The following FLT1 variants were observed in gnomAD, a reference collection of about 807,000 sequenced individuals.
FLT1 encodes the protein fms related receptor tyrosine kinase 1.
A neutral mutation model predicts 156.3 loss-of-function variants in FLT1; 49 were observed. That is an observed-to-expected ratio of 0.31 (90% confidence interval 0.25 to 0.40). The LOEUF is 0.40. Ranked by LOEUF, FLT1 falls within the 10% of genes least tolerant of loss-of-function variation. The pLI is 1.00. For missense variants in FLT1, 1,322 were observed against 1,637.2 expected, an observed-to-expected ratio of 0.81 and a Z score of 3.32; for synonymous variants, 594 against 583.8, an observed-to-expected ratio of 1.02 and a Z score of -0.25.
intron 3 of FLT1, among the ~76,000 whole-genome samples, chr13:28,462,847 C>T (rs1416854706): frequency 2.6e-5 from 4 of 152,236 alleles, no homozygotes; most frequent in Admixed American, 2.6e-4. Flanking sequence ...CTTCCACCTG[C>T]TTTGATGCAC....
At chr13:28,307,885 C>A (rs1220142732) in intron 28 of FLT1, among the ~76,000 whole-genome samples, 1 of 152,148 alleles carries the variant, frequency 6.6e-6, no homozygotes, top group Non-Finnish European at 1.5e-5. Flanking sequence ...CATTCTCCTG[C>A]CTCAGCCTTC....
At chr13:28,488,468 AT>A (rs544230593) in intron 1 of FLT1, among the ~76,000 whole-genome samples, 1 of 110,510 alleles carries the variant, frequency 9.0e-6, no homozygotes, top group Admixed American at 1.1e-4. Flanking sequence ...ATGCTTCTCG[AT>A]TTTTAATGAA....
In FLT1 at chr13:28,485,291, A is replaced by C. The variant is rs550666196; in HGVS notation, c.64+9489T>G. Among the ~76,000 whole-genome samples, 8 of 152,184 alleles carry C rather than the reference A, an allele frequency of 5.3e-5. No homozygotes were observed. In the South Asian group the frequency reaches 1.7e-3, roughly 32 times the overall value. On this transcript the variant is annotated intron_variant, in intron 1 of 29. Transcript: ENST00000282397. Reference sequence around the variant, plus strand: ...GGGCCTCTATGATAAGAGCCCCAAGAAGCTGCAGAGCTGCCTGCACTCAGA... The same window carrying C: ...GGGCCTCTATGATAAGAGCCCCAAGCAGCTGCAGAGCTGCCTGCACTCAGA...
intron 1 of FLT1, among the ~76,000 whole-genome samples, chr13:28,475,185 T>G (rs976720027): frequency 6.6e-6 from 1 of 152,240 alleles, no homozygotes; most frequent in African/African-American, 2.4e-5. Flanking sequence ...CACTCCTAAT[T>G]GCATATTTTG....
At chr13:28,304,340 T>C (rs1189486015) in intron 29 of FLT1, among the ~76,000 whole-genome samples, 1 of 152,150 alleles carries the variant, frequency 6.6e-6, no homozygotes, top group Admixed American at 6.5e-5. Context: ...ACTGTGCTCA[T>C]GTGAAAAGGA....
chr13:28,438,390 C>T (rs1226098623), intron 3 of FLT1, 45 bp from the exon 4 acceptor site: 9 of 1,495,154 alleles, frequency 6.0e-6, no homozygotes, highest in Non-Finnish European at 8.4e-6. Flanking sequence ...AAATGATTGA[C>T]ATGCAAGCAT....
chr13:28,494,517 C>T (rs1881644707), intron 1 of FLT1, among the ~76,000 whole-genome samples: 1 of 152,188 alleles, frequency 6.6e-6, no homozygotes, highest in Non-Finnish European at 1.5e-5. Context: ...CTGTCGCAAA[C>T]GGACAGCCCC....
At chr13:28,453,354 C>T (rs899815577) in intron 3 of FLT1, among the ~76,000 whole-genome samples, 2 of 151,980 alleles carry the variant, frequency 1.3e-5, no homozygotes, top group African/African-American at 4.8e-5. Context: ...AACTCCTGAC[C>T]TCAAGTGATC....
intron 8 of FLT1, among the ~76,000 whole-genome samples, chr13:28,429,153 T>A (rs1877526160): frequency 6.6e-6 from 1 of 152,188 alleles, no homozygotes; most frequent in South Asian, 2.1e-4. Flanking sequence ...GCAAAAAAGA[T>A]CATTTTTCTA....
Position 28,492,264 on chromosome 13 carries a change from A to C in FLT1, c.64+2516T>G, listed in dbSNP as rs114978960. ...AATTTCAGTATTTCCACTTAGTTAT[A>C]GTAAATTGTAAATGTTAGCTGTTCA... On this transcript the variant is annotated intron_variant, in intron 1 of 29. Transcript: ENST00000282397. Among the ~76,000 whole-genome samples, 231 of 152,346 alleles carry C rather than the reference A, an allele frequency of 1.5e-3. 3 individuals carry two copies. The highest frequency in any genetic ancestry group is 5.2e-3 in the African/African-American group (218 of 41,570).
chr13:28,430,010 A>G (rs1877579646), intron 8 of FLT1, 40 bp downstream of exon 8: 1 of 1,315,662 alleles, frequency 7.6e-7, no homozygotes, highest in South Asian at 1.2e-5. Flanking sequence ...CCACTTACAA[A>G]GTATGTCTTA....
At position 28,312,101 on chromosome 13, in the gene FLT1, G is replaced by C; in HGVS notation, c.3387-3C>G. The C allele has an allele frequency of 6.3e-7, 1 of 1,593,280 alleles. No homozygotes were observed. Among genetic ancestry groups the C allele is most frequent in the Non-Finnish European group, 8.6e-7 (1 of 1,161,056 alleles). ...AGCAGTCCAGCATGATCTGATAGCT[G>C]GTGGGGAAAACAGCAACAGAAATAG... On this transcript the variant is annotated splice_region_variant and splice_polypyrimidine_tract_variant and intron_variant, in intron 25 of 29. Coordinates refer to ENST00000282397, the MANE Select transcript of FLT1 (RefSeq NM_002019.4).
rs530043739 is a variant in FLT1 at position 28,301,573 on chromosome 13, A to G, written c.*1594T>C. On this transcript the variant is annotated 3_prime_UTR_variant, in exon 30 of 30. Coordinates refer to ENST00000282397, the MANE Select transcript of FLT1 (RefSeq NM_002019.4). ...CAGTTAAATTACATGGATAAAAGGAAGCATACTCTTCTCCCCAAGAAGCAG... is the reference window on the plus strand; with the variant it reads ...CAGTTAAATTACATGGATAAAAGGAGGCATACTCTTCTCCCCAAGAAGCAG... 9.9e-5 allele frequency: 23 copies of G among 233,392 alleles called. No homozygotes were observed. The highest frequency in any genetic ancestry group is 1.9e-4 in the Non-Finnish European group (22 of 117,960). The allele number at this position is 233,392 out of a possible 1,614,324, so 14.5% of individuals were successfully genotyped here. A position where few individuals can be genotyped will look rare whatever the true frequency, so the allele number is the denominator to read the frequency against.
intron 4 of FLT1, among the ~76,000 whole-genome samples, chr13:28,434,457 A>G (rs1877909555): frequency 6.6e-6 from 1 of 152,252 alleles, no homozygotes; most frequent in Non-Finnish European, 1.5e-5. Context: ...ATGATAATTT[A>G]CTATCAGCCT....
intron 15 of FLT1, among the ~76,000 whole-genome samples, chr13:28,346,728 A>AAG (rs1201351830): frequency 6.6e-6 from 1 of 152,144 alleles, no homozygotes; most frequent in Non-Finnish European, 1.5e-5. Context: ...GAGGGAGAGA[A>AAG]AGAGAGAGAG....
intron 3 of FLT1, among the ~76,000 whole-genome samples, chr13:28,451,697 G>A (rs1332970270): frequency 2.0e-5 from 3 of 152,196 alleles, no homozygotes; most frequent in African/African-American, 7.2e-5. Context: ...GGGCTGTGTC[G>A]AAGTGCTGCG....
intron 18 of FLT1, among the ~76,000 whole-genome samples, chr13:28,331,068 T>C (rs1030419635): frequency 1.2e-4 from 18 of 152,174 alleles, no homozygotes; most frequent in Non-Finnish European, 5.9e-5. Context: ...ACATTTAGAG[T>C]GTCTATAGTC....
chr13:28,430,208 T>C, intron 7 of FLT1, 41 bp from the exon 8 acceptor site: 1 of 1,457,524 alleles, frequency 6.9e-7, no homozygotes, highest in Non-Finnish European at 9.6e-7. Flanking sequence ...AAAAGAATAA[T>C]TTCCATAAAC....
At chr13:28,357,868 C>CTTTTTTTTTTTT (rs57304530) in intron 14 of FLT1, among the ~76,000 whole-genome samples, 183 bp from the exon 15 acceptor site, 5 of 104,732 alleles carry the variant, frequency 4.8e-5, no homozygotes, top group African/African-American at 7.4e-5. Flanking sequence ...CTTTTCTTTC[C>CTTTTTTTTTTTT]TTTTTTTTTT....
Sources: allele counts gnomAD v4.1 joint callset (sites outside exome capture counted in the v4.1 genomes callset), GRCh38; gene constraint gnomAD v4.1.1; transcripts MANE v1.5; gene names NCBI Gene and HGNC (gene_info 2026-07-23, HGNC 2026-07-21).